The following GCNT2 variants were observed in gnomAD, a reference collection of about 807,000 sequenced individuals.
The protein encoded by GCNT2 is glucosaminyl (N-acetyl) transferase 2 (I blood group).
GCNT2 carries 34 observed loss-of-function variants against 34.2 expected under a neutral mutation model. The ratio of observed to expected loss-of-function variants is 1.00; its 90% CI spans 0.76 to 1.32. The LOEUF (loss-of-function observed/expected upper bound fraction) is 1.32, where lower values mean the gene tolerates loss of function less well. GCNT2 is among the 40% of genes most tolerant of loss of function. The probability of loss-of-function intolerance (pLI) is 0.00; values close to 1 mark genes in which losing one functional copy is unlikely to be tolerated. For synonymous variants in GCNT2, 212 were observed against 188.0 expected (o/e 1.13, Z -1.04); for missense variants, 584 against 489.4 (o/e 1.19, Z -1.82).
At chr6:10,576,358 C>A (rs1013831701) in intron 3 of GCNT2, among the ~76,000 whole-genome samples, 1 of 152,162 alleles carries the variant, frequency 6.6e-6, no homozygotes, top group Admixed American at 6.5e-5. Context: ...TGGCCCACAG[C>A]TTTAAATACC....
At chr6:10,558,385 T>A (rs1762819098) in intron 3 of GCNT2, among the ~76,000 whole-genome samples, 1 of 152,196 alleles carries the variant, frequency 6.6e-6, no homozygotes, top group Non-Finnish European at 1.5e-5. Context: ...ATATTTGGAC[T>A]CATGCATGTA....
chr6:10,556,603 G>GA, intron 3 of GCNT2: 2 of 1,614,134 alleles, frequency 1.2e-6, no homozygotes, highest in Non-Finnish European at 1.7e-6. Context: ...GTTTCCTGTG[G>GA]AAAAACAAAC....
chr6:10,528,894 C>T lies in GCNT2; in HGVS notation c.-18C>T. The T allele has an allele frequency of 6.4e-7, 1 of 1,574,046 alleles. No individual in the cohort carries two copies. The highest frequency in any genetic ancestry group is 8.7e-7 in the Non-Finnish European group (1 of 1,143,798). ...CCTATCTCAAGAGAGAGATATTTTA[C>T]TCATTTCCTGGTTGTGAATGATGGG... On this transcript the variant is annotated 5_prime_UTR_variant, in exon 3 of 5. Transcript: ENST00000495262.
At chr6:10,620,794 A>T (rs183052269) in intron 3 of GCNT2, among the ~76,000 whole-genome samples, 3 of 152,344 alleles carry the variant, frequency 2.0e-5, no homozygotes, top group African/African-American at 7.2e-5. Context: ...AGGGTTATTG[A>T]AAAACACTTA....
At chr6:10,566,718 C>CA (rs1185948109) in intron 3 of GCNT2, among the ~76,000 whole-genome samples, 1 of 152,224 alleles carries the variant, frequency 6.6e-6, no homozygotes, top group East Asian at 1.9e-4. Flanking sequence ...GAGCAGTACT[C>CA]AAGATGATGG....
chr6:10,544,018 AAAAT>A lies in GCNT2; in HGVS notation c.925+14191_925+14194del, dbSNP rs561057756. 1.2e-3 allele frequency among the ~76,000 whole-genome samples: 186 copies of A among 152,334 alleles called. 3 individuals carry two copies. Among genetic ancestry groups the A allele is most frequent in the Non-Finnish European group, 2.5e-4 (17 of 68,030 alleles). On this transcript the variant is annotated intron_variant, in intron 3 of 4. Transcript: ENST00000495262. ...AAGAAAATAGCTAAGACTCATTTAA[AAAAT>A]AAATAAATGGGCCAGGCCTGGTGGC...
chr6:10,603,545 T>A (rs537879799), intron 3 of GCNT2, among the ~76,000 whole-genome samples: 30 of 152,292 alleles, frequency 2.0e-4, no homozygotes, highest in African/African-American at 6.5e-4. Context: ...AGACAGAGTC[T>A]CTCTCTGTTG....
chr6:10,574,818 T>A, intron 3 of GCNT2: 1 of 641,730 alleles, frequency 1.6e-6, no homozygotes, highest in Non-Finnish European at 3.0e-6. Flanking sequence ...TAAAGTGTGC[T>A]ACTCTGGGTG....
At chr6:10,526,836 C>T (rs921087526) in intron 1 of GCNT2, among the ~76,000 whole-genome samples, 3 of 152,120 alleles carry the variant, frequency 2.0e-5, no homozygotes, top group Non-Finnish European at 4.4e-5. Context: ...AGAAAATGAG[C>T]CAGGTGCAGT....
At chr6:10,584,043 C>T (rs533220645) in intron 3 of GCNT2, among the ~76,000 whole-genome samples, 130 of 151,996 alleles carry the variant, frequency 8.6e-4, no homozygotes, top group Non-Finnish European at 1.5e-3. Context: ...GAAAAGTGGG[C>T]CCTGGGGGAC....
chr6:10,554,513 C>T (rs541846122), intron 3 of GCNT2, among the ~76,000 whole-genome samples: 1 of 152,232 alleles, frequency 6.6e-6, no homozygotes, highest in East Asian at 1.9e-4. Flanking sequence ...GACTCTGTTG[C>T]CCAAATTAAG....
intron 3 of GCNT2, among the ~76,000 whole-genome samples, chr6:10,582,472 ATACTATAATAT>A (rs1172720593): frequency 9.8e-5 from 11 of 112,432 alleles, no homozygotes; most frequent in African/African-American, 4.7e-4. Flanking sequence ...AATATAATAT[ATACTATAATAT>A]ATACTATAAT....
chr6:10,566,182 CTT>C (rs761874338), intron 3 of GCNT2, among the ~76,000 whole-genome samples: 35 of 144,188 alleles, frequency 2.4e-4, no homozygotes, highest in Non-Finnish European at 2.4e-4. Flanking sequence ...TTGATGTGTG[CTT>C]TTTTTTTTTT....
chr6:10,578,243 T>G (rs889759624), intron 3 of GCNT2, among the ~76,000 whole-genome samples: 1 of 151,352 alleles, frequency 6.6e-6, no homozygotes, highest in Admixed American at 6.6e-5. Flanking sequence ...ACACAAAAAT[T>G]AGCTGGACAC....
Position 10,549,563 on chromosome 6 carries a change from C to CTCT in GCNT2, c.925+19728_925+19729insCTT, listed in dbSNP as rs1348760761. Among the ~76,000 whole-genome samples the CTCT allele has an allele frequency of 3.5e-4, 37 of 104,310 alleles. 2 individuals carry two copies. In the South Asian group the frequency reaches 3.8e-3, roughly 11 times the overall value. 68.4% of individuals were successfully genotyped at this position (104,310 alleles called of 152,430 possible). A position where few individuals can be genotyped will look rare whatever the true frequency, so the allele number is the denominator to read the frequency against. ...TTCCTTTCTCTCTCAATCTCTCTCT[C>CTCT]TTTTTTTTTTTTTTTTTTTTTTTTT... On this transcript the variant is annotated intron_variant, in intron 3 of 4. Transcript: ENST00000495262.
chr6:10,600,294 G>A (rs916541523), intron 3 of GCNT2, among the ~76,000 whole-genome samples: 5 of 152,082 alleles, frequency 3.3e-5, no homozygotes, highest in Non-Finnish European at 7.4e-5. Flanking sequence ...TTACATCAAA[G>A]TCTTATAGGT....
At chr6:10,625,240 G>T (rs1405732809) in intron 4 of GCNT2, among the ~76,000 whole-genome samples, 3 of 152,082 alleles carry the variant, frequency 2.0e-5, no homozygotes, top group Non-Finnish European at 2.9e-5. Context: ...CAGCCTCTTG[G>T]TTTCTAATGT....
At position 10,590,610 on chromosome 6, in the gene GCNT2, G is replaced by A. The variant is rs529145842; in HGVS notation, c.926-30741G>A. Among the ~76,000 whole-genome samples, 10 of 150,400 alleles carry A rather than the reference G, an allele frequency of 6.6e-5. No individual in the cohort carries two copies. The East Asian group carries it at 2.0e-3, about 30-fold the overall frequency. On this transcript the variant is annotated intron_variant, in intron 3 of 4. Transcript: ENST00000495262. The stretch of plus-strand genomic sequence containing the variant: ...TGCTCTGTCGCCAGGCTGAAGTGCA[G>A]TGGCGCGATCTCAGCTCACTGCAAC...
At chr6:10,615,131 C>T (rs528639850) in intron 3 of GCNT2, among the ~76,000 whole-genome samples, 2 of 152,240 alleles carry the variant, frequency 1.3e-5, no homozygotes, top group East Asian at 3.9e-4. Context: ...CTGATGAAGA[C>T]TGAGGGAGAG....
Sources: allele counts gnomAD v4.1 joint callset (sites outside exome capture counted in the v4.1 genomes callset), GRCh38; gene constraint gnomAD v4.1.1; transcripts MANE v1.5; gene names NCBI Gene and HGNC (gene_info 2026-07-23, HGNC 2026-07-21).